The following EPHA10 variants were observed in gnomAD, a reference collection of about 807,000 sequenced individuals.
EPHA10 encodes the protein EPH receptor A10.
Under a neutral mutation model 109.7 loss-of-function variants are expected in EPHA10, and 120 were observed. That is an observed-to-expected ratio of 1.09 (90% CI 0.94 to 1.27). EPHA10 has a LOEUF of 1.27. Among genes scored for constraint, EPHA10 ranks in the 50% most tolerant of loss-of-function variants. The pLI is 0.00. For synonymous variants in EPHA10, 640 were observed against 618.9 expected (o/e 1.03, Z -0.51); for missense variants, 1,396 against 1,411.1 (o/e 0.99, Z 0.17).
chr1:37,718,642 C>G lies in EPHA10; in HGVS notation c.2912+19G>C. 1 of 1,613,166 alleles carries G rather than the reference C, an allele frequency of 6.2e-7. No individual in the cohort carries two copies. The highest frequency in any genetic ancestry group is 8.5e-7 in the Non-Finnish European group (1 of 1,180,032). ...GGAATCCCCCAGCCCCGGCCTTGAC[C>G]TTGGTGCCTTGGACTCACTGGGCAG... On this transcript the variant is annotated intron_variant, in intron 16 of 16. Transcript: ENST00000373048.
chr1:37,716,092 TG>T lies in EPHA10; in HGVS notation c.*2279del. The stretch of plus-strand genomic sequence containing the variant: ...CCAGGGTGAGCTCAGACCAGGGTAA[TG>T]GGGGCTTGCAGGCCACCTCTGTCCA... On this transcript the variant is annotated 3_prime_UTR_variant, in exon 17 of 17. Coordinates refer to ENST00000373048, the MANE Select transcript of EPHA10 (RefSeq NM_001099439.2). 1 of 473,200 alleles carries T rather than the reference TG, an allele frequency of 2.1e-6. No individual in the cohort carries two copies. The highest frequency in any genetic ancestry group is 3.8e-5 in the East Asian group (1 of 26,568). 29.3% of individuals were successfully genotyped at this position (473,200 alleles called of 1,614,324 possible). A position where few individuals can be genotyped will look rare whatever the true frequency, so the allele number is the denominator to read the frequency against.
At chr1:37,757,672 T>C (rs1328584800) in intron 3 of EPHA10, among the ~76,000 whole-genome samples, 1 of 152,170 alleles carries the variant, frequency 6.6e-6, no homozygotes, top group Non-Finnish European at 1.5e-5. Context: ...TCTCTTTCTC[T>C]CTCTCTCTCT....
chr1:37,716,865 C>G lies in EPHA10; in HGVS notation c.*1507G>C. The G allele has an allele frequency of 4.3e-6, 1 of 233,138 alleles. No individual in the cohort carries two copies. Among genetic ancestry groups the G allele is most frequent in the Non-Finnish European group, 8.5e-6 (1 of 117,976 alleles). The allele number at this position is 233,138 out of a possible 1,614,324, so 14.4% of individuals were successfully genotyped here. ...GTGGCTATCTCCCCCTCCAGCCCAC[C>G]TACCCACTGACCCAGAGGGCTCCTG... is the stretch of plus-strand genomic sequence containing the variant. On this transcript the variant is annotated 3_prime_UTR_variant, in exon 17 of 17. Transcript: ENST00000373048.
At chr1:37,744,828 A>G (rs539908819) in intron 5 of EPHA10, among the ~76,000 whole-genome samples, 6 of 152,346 alleles carry the variant, frequency 3.9e-5, no homozygotes, top group South Asian at 2.1e-4. Flanking sequence ...CCCAACCACC[A>G]CTTCCCATCT....
At position 37,720,305 on chromosome 1, in the gene EPHA10, G is replaced by A. The variant is rs752000961; in HGVS notation, c.2412+46C>T. ...GAGTTAAGGGCTCCAGGGCAGCTTG[G>A]TGGGAACCAGAAGGCACAGGCAGGC... is the stretch of plus-strand genomic sequence containing the variant. On this transcript the variant is annotated intron_variant, in intron 13 of 16. Coordinates refer to ENST00000373048, the MANE Select transcript of EPHA10 (RefSeq NM_001099439.2). The A allele has an allele frequency of 4.5e-6, 7 of 1,551,128 alleles. No individual in the cohort carries two copies. In the South Asian group the frequency reaches 6.0e-5, roughly 13 times the overall value.
chr1:37,717,101 G>A lies in EPHA10; in HGVS notation c.*1271C>T, dbSNP rs1437769398. On this transcript the variant is annotated 3_prime_UTR_variant, in exon 17 of 17. Coordinates refer to ENST00000373048, the MANE Select transcript of EPHA10 (RefSeq NM_001099439.2). The stretch of plus-strand genomic sequence containing the variant: ...GGCGGCCTAAACAAACTCAGTCCCT[G>A]TGGCCCTGCTGAGATCCAGCTGCCT... The A allele has an allele frequency of 4.4e-6, 1 of 225,378 alleles. No individual in the cohort carries two copies. The highest frequency in any genetic ancestry group is 5.7e-5 in the Admixed American group (1 of 17,502). 14.0% of individuals were successfully genotyped at this position (225,378 alleles called of 1,614,324 possible).
chr1:37,722,974 G>A (rs571328701), intron 10 of EPHA10, 67 bp downstream of exon 10: 1 of 1,611,006 alleles, frequency 6.2e-7, no homozygotes, highest in Non-Finnish European at 8.5e-7. Flanking sequence ...GGACAGAGTA[G>A]GGGCGGGGCC....
At chr1:37,755,182 C>G (rs954943167) in intron 3 of EPHA10, among the ~76,000 whole-genome samples, 1 of 152,164 alleles carries the variant, frequency 6.6e-6, no homozygotes, top group Admixed American at 6.5e-5. Context: ...TGTGGGATCC[C>G]AACCCAAGCC....
intron 3 of EPHA10, chr1:37,761,090 A>T (rs1383904209): frequency 1.1e-4 from 77 of 680,504 alleles, no homozygotes; most frequent in Middle Eastern, 1.4e-3. Flanking sequence ...TCCTTATTTT[A>T]AAAAAAAAAA....
At chr1:37,735,426 C>A (rs1464735290) in intron 5 of EPHA10, 36 bp from the exon 6 acceptor site, 9 of 1,563,986 alleles carry the variant, frequency 5.8e-6, no homozygotes, top group Middle Eastern at 1.8e-4. Flanking sequence ...CCACCTTGAC[C>A]CACCTCACGG....
In EPHA10 at chr1:37,753,070, G is replaced by A. The variant is rs1646354551; in HGVS notation, c.1163C>T (p.Ala388Val). Residue 388 changes from alanine (A) to valine (V), a missense_variant, in exon 5 of 17, where the codon GCC becomes GTC. Ala to Val is a moderately conservative substitution (Grantham distance 64, BLOSUM62 0). Transcript: ENST00000373048. ...LRCGREGPAG[A>V]CEPCGPRVAF... ...CACGCGCGGCCCGCACGGCTCGCAG[G>A]CGCCCGCCGGGCCCTCGCGGCCGCA... is the stretch of plus-strand genomic sequence containing the variant. 3.1e-6 allele frequency: 4 copies of A among 1,280,020 alleles called. No individual in the cohort carries two copies. Among genetic ancestry groups the A allele is most frequent in the Non-Finnish European group, 3.0e-6 (3 of 1,014,792 alleles). 79.3% of individuals were successfully genotyped at this position (1,280,020 alleles called of 1,614,324 possible).
At chr1:37,715,464 G>A (rs938692749), downstream of EPHA10, among the ~76,000 whole-genome samples, 6 of 152,030 alleles carry the variant, frequency 3.9e-5, no homozygotes, top group Non-Finnish European at 8.8e-5. Context: ...CATGCTGGCC[G>A]GGTGACCTCC....
intron 5 of EPHA10, among the ~76,000 whole-genome samples, chr1:37,740,645 C>T (rs536634304): frequency 1.1e-4 from 17 of 152,120 alleles, no homozygotes; most frequent in Admixed American, 2.0e-4. Context: ...TTCCAGCGTG[C>T]AGACAAGTTT....
At chr1:37,740,525 T>C (rs956997233) in intron 5 of EPHA10, among the ~76,000 whole-genome samples, 1 of 152,162 alleles carries the variant, frequency 6.6e-6, no homozygotes, top group Admixed American at 6.5e-5. Flanking sequence ...CAGGATGGTC[T>C]CCATCTCCTG....
intron 6 of EPHA10, among the ~76,000 whole-genome samples, chr1:37,733,711 T>C (rs1008600293): frequency 1.3e-5 from 2 of 152,068 alleles, no homozygotes; most frequent in Non-Finnish European, 2.9e-5. Context: ...TGGCCACTCT[T>C]CTCAGACACA....
At chr1:37,740,507 A>G (rs926225105) in intron 5 of EPHA10, among the ~76,000 whole-genome samples, 26 of 152,068 alleles carry the variant, frequency 1.7e-4, no homozygotes, top group African/African-American at 4.8e-4. Context: ...GGGTTTCACC[A>G]TGTTAGCCAG....
chr1:37,740,125 C>CATAGTT (rs1646131087), intron 5 of EPHA10, among the ~76,000 whole-genome samples: 1 of 151,904 alleles, frequency 6.6e-6, no homozygotes, highest in Non-Finnish European at 1.5e-5. Context: ...ATCCTTTGGA[C>CATAGTT]AACGTATCTA....
At chr1:37,736,944 GAAATA>G (rs1646080752) in intron 5 of EPHA10, among the ~76,000 whole-genome samples, 1 of 152,092 alleles carries the variant, frequency 6.6e-6, no homozygotes, top group East Asian at 1.9e-4. Flanking sequence ...TGAAAGAAAT[GAAATA>G]AAACACAAAT....
chr1:37,719,119 A>T, intron 15 of EPHA10: 1 of 591,008 alleles, frequency 1.7e-6, no homozygotes, highest in Non-Finnish European at 3.0e-6. Flanking sequence ...TTAATTTCAC[A>T]TATTTGATTC....
Sources: allele counts gnomAD v4.1 joint callset (sites outside exome capture counted in the v4.1 genomes callset), GRCh38; gene constraint gnomAD v4.1.1; transcripts MANE v1.5; gene names NCBI Gene and HGNC (gene_info 2026-07-23, HGNC 2026-07-21).